The following CDC27 variants were observed in gnomAD, a reference collection of about 807,000 sequenced individuals.
CDC27 encodes cell division cycle protein 27 homolog.
Under a neutral mutation model 109.7 loss-of-function variants are expected in CDC27, and 27 were observed. The observed-to-expected ratio is 0.25, with a 90% CI of 0.18 to 0.34. The LOEUF is 0.34. Ranked by LOEUF, CDC27 falls within the 10% of genes least tolerant of loss-of-function variation. The probability of loss-of-function intolerance (pLI) is 1.00; values close to 1 mark genes in which losing one functional copy is unlikely to be tolerated. For synonymous variants in CDC27, 266 were observed against 333.9 expected, an observed-to-expected ratio of 0.80 and a Z score of 2.22; for missense variants, 579 against 960.2, an observed-to-expected ratio of 0.60 and a Z score of 5.25.
At position 47,138,778 on chromosome 17, in the gene CDC27, C is replaced by T; in HGVS notation, c.1665G>A (p.Leu555=). Residue 555 remains leucine, a synonymous_variant, in exon 13 of 19, where the codon CTG becomes CTA. Transcript: ENST00000066544. The part of the protein sequence containing the change: ...HLQKDVALSV[L]SKDLTDMDKN... ...TATCCATGTCTGTTAAGTCTTTTGACAGAACTGAAAGAGCAACATCTTTTT... is the reference window on the plus strand; with the variant it reads ...TATCCATGTCTGTTAAGTCTTTTGATAGAACTGAAAGAGCAACATCTTTTT... The T allele has an allele frequency of 6.2e-7, 1 of 1,611,408 alleles. No homozygotes were observed.
chr17:47,131,473 T>C (rs2062329955), intron 15 of CDC27, among the ~76,000 whole-genome samples: 2 of 151,778 alleles, frequency 1.3e-5, no homozygotes, highest in African/African-American at 4.8e-5. Flanking sequence ...TTTCCTCACA[T>C]TGTATGACCA....
rs1016577212 is a variant in CDC27 at position 47,178,888 on chromosome 17, C to T, written c.103+2674G>A. On this transcript the variant is annotated intron_variant, in intron 2 of 18. Transcript: ENST00000066544. ...TGTAATCTCGGCTCACCGCAACCTC[C>T]GCCTCCCGGGTTCAAGCAATTCTCC... Among the ~76,000 whole-genome samples, 6 of 152,042 alleles carry T rather than the reference C, an allele frequency of 3.9e-5. No homozygotes were observed. The South Asian group carries it at 1.0e-3, about 26-fold the overall frequency.
At chr17:47,173,847 C>T (rs2063893099) in intron 2 of CDC27, among the ~76,000 whole-genome samples, 1 of 152,162 alleles carries the variant, frequency 6.6e-6, no homozygotes, top group African/African-American at 2.4e-5. Context: ...AATCCTAGCA[C>T]TTTGGGAGGC....
chr17:47,124,981 G>A (rs550320079), intron 16 of CDC27, among the ~76,000 whole-genome samples: 1 of 151,834 alleles, frequency 6.6e-6, no homozygotes, highest in South Asian at 2.1e-4. Flanking sequence ...GCAGTGGTGC[G>A]ATCTCTGCTC....
rs569281349 is a variant in CDC27, at chr17:47,156,336, C to T, written c.842+577G>A. Among the ~76,000 whole-genome samples, 19 of 152,044 alleles carry T rather than the reference C, an allele frequency of 1.2e-4. No individual in the cohort carries two copies. In the South Asian group the frequency reaches 1.5e-3, roughly 12 times the overall value. On this transcript the variant is annotated intron_variant, in intron 7 of 18. Transcript: ENST00000066544. ...TGTATTTTTAGTAGAGACGGGGTTT[C>T]GCCATGTTGGCCAGGATGGTCTCGA...
chr17:47,129,333 A>C, intron 16 of CDC27, 60 bp downstream of exon 16: 1 of 1,220,140 alleles, frequency 8.2e-7, no homozygotes, highest in Admixed American at 2.2e-5. Flanking sequence ...TATTGAAAAC[A>C]AGGGATAACG....
At chr17:47,181,254 C>CA (rs34104273) in intron 2 of CDC27, 3,141 of 30,812 alleles carry the variant, frequency 0.1, 680 homozygotes, top group Non-Finnish European at 0.12. Context: ...GACCCTGTTT[C>CA]AAAAAAAAAA....
At chr17:47,138,931 C>A in intron 12 of CDC27, 40 bp from the exon 13 acceptor site, 1 of 1,333,060 alleles carries the variant, frequency 7.5e-7, no homozygotes, top group Non-Finnish European at 1.0e-6. Context: ...CAAGTTGATA[C>A]AATTTATATA....
intron 1 of CDC27, among the ~76,000 whole-genome samples, chr17:47,183,374 G>T (rs1379320679): frequency 6.6e-6 from 1 of 152,074 alleles, no homozygotes; most frequent in Non-Finnish European, 1.5e-5. Flanking sequence ...ACAAGTAAAT[G>T]TTTAATAATT....
At chr17:47,156,373 C>T (rs1294197085) in intron 7 of CDC27, among the ~76,000 whole-genome samples, 7 of 151,976 alleles carry the variant, frequency 4.6e-5, no homozygotes, top group African/African-American at 1.5e-4. Flanking sequence ...CTCCTGACCT[C>T]GTGATCTGCC....
At chr17:47,186,090 T>A (rs2064424539) in intron 1 of CDC27, among the ~76,000 whole-genome samples, 1 of 152,222 alleles carries the variant, frequency 6.6e-6, no homozygotes, top group Non-Finnish European at 1.5e-5. Context: ...GTTGGATTAT[T>A]CTACTAGTCT....
At chr17:47,149,495 G>A (rs34006043) in intron 9 of CDC27, among the ~76,000 whole-genome samples, 11,543 of 131,584 alleles carry the variant, frequency 0.088, 533 homozygotes, top group African/African-American at 0.12. Flanking sequence ...TGGTGACAGA[G>A]TGAGACTCTG....
At chr17:47,133,114 TA>T (rs1203307589) in intron 14 of CDC27, among the ~76,000 whole-genome samples, 2 of 74,130 alleles carry the variant, frequency 2.7e-5, no homozygotes, top group Non-Finnish European at 5.2e-5. Context: ...TACATATATA[TA>T]TATATATATA....
At chr17:47,163,361 G>A (rs565178319) in intron 4 of CDC27, among the ~76,000 whole-genome samples, 2 of 152,146 alleles carry the variant, frequency 1.3e-5, no homozygotes, top group Non-Finnish European at 2.9e-5. Context: ...TTGGGGTAGG[G>A]TTGTTCCACT....
chr17:47,133,996 T>C (rs895106309), intron 14 of CDC27, among the ~76,000 whole-genome samples: 4 of 152,090 alleles, frequency 2.6e-5, no homozygotes, highest in African/African-American at 9.7e-5. Flanking sequence ...AGTGATCTGC[T>C]TGTCCCAGCC....
chr17:47,151,746 A>C, intron 9 of CDC27, 60 bp downstream of exon 9: 2 of 1,331,030 alleles, frequency 1.5e-6, no homozygotes. Context: ...CCTAAATTAA[A>C]GAAATGTAAA....
rs559863888 is a variant in CDC27 at position 47,142,751 on chromosome 17, G to A, written c.1171-315C>T. Among the ~76,000 whole-genome samples the A allele has an allele frequency of 1.6e-4, 24 of 152,182 alleles. No individual in the cohort carries two copies. The South Asian group carries it at 2.3e-3, about 14-fold the overall frequency. On this transcript the variant is annotated intron_variant, in intron 10 of 18. Transcript: ENST00000066544. ...AAGTAGATGTAATTCTCAGCTCACCGCAACCCAACCTCTGCCTCCCGGGTT... is the reference window on the plus strand; with the variant it reads ...AAGTAGATGTAATTCTCAGCTCACCACAACCCAACCTCTGCCTCCCGGGTT...
At chr17:47,151,614 T>G (rs1332618422) in intron 9 of CDC27, among the ~76,000 whole-genome samples, 192 bp downstream of exon 9, 2 of 152,236 alleles carry the variant, frequency 1.3e-5, no homozygotes, top group Non-Finnish European at 2.9e-5. Flanking sequence ...AGTTAACTAT[T>G]GTCTTCTGTG....
chr17:47,125,695 C>T (rs1310256795), intron 16 of CDC27, among the ~76,000 whole-genome samples: 2 of 151,996 alleles, frequency 1.3e-5, no homozygotes, highest in African/African-American at 4.8e-5. Context: ...AGGCGCCCGC[C>T]ACCATGCCTG....
Sources: allele counts gnomAD v4.1 joint callset (sites outside exome capture counted in the v4.1 genomes callset), GRCh38; gene constraint gnomAD v4.1.1; transcripts MANE v1.5; gene names NCBI Gene and HGNC (gene_info 2026-07-23, HGNC 2026-07-21).